The following KITLG variants were observed in gnomAD, a reference collection of about 807,000 sequenced individuals.
KITLG encodes c-Kit ligand.
Under a neutral mutation model 34.1 loss-of-function variants are expected in KITLG, and 13 were observed. That is an observed-to-expected ratio of 0.38 (90% CI 0.25 to 0.61). The LOEUF is 0.61. Ranked by LOEUF, KITLG falls within the 20% of genes least tolerant of loss-of-function variation. The pLI is 0.60. For synonymous variants in KITLG, 110 were observed against 104.0 expected (o/e 1.06, Z -0.35); for missense variants, 292 against 318.9 (o/e 0.92, Z 0.64).
At chr12:88,506,521 T>A in intron 7 of KITLG, 143 bp from the exon 8 acceptor site, 1 of 682,992 alleles carries the variant, frequency 1.5e-6, no homozygotes, top group Non-Finnish European at 2.6e-6. Flanking sequence ...AATATCTTTG[T>A]AATAAAAAAT....
chr12:88,516,954 G>A (rs1450017992), intron 4 of KITLG, among the ~76,000 whole-genome samples: 3 of 151,674 alleles, frequency 2.0e-5, no homozygotes, highest in South Asian at 2.1e-4. Flanking sequence ...GATAATGTAA[G>A]TTGGTACATT....
intron 3 of KITLG, 41 bp downstream of exon 3, chr12:88,532,400 A>G (rs762175497): frequency 5.0e-6 from 7 of 1,386,960 alleles, no homozygotes; most frequent in South Asian, 1.2e-5. Context: ...CATTTCTTCT[A>G]TGAGCTACTA....
Position 88,567,293 on chromosome 12 carries a change from T to A in KITLG, c.15+12971A>T, listed in dbSNP as rs528842792. Reference sequence around the variant, plus strand: ...AAATTAATCACTGTGGTATCCACAATCAAAGATTCAATCAAGAAACTTCCA... The same window carrying A: ...AAATTAATCACTGTGGTATCCACAAACAAAGATTCAATCAAGAAACTTCCA... On this transcript the variant is annotated intron_variant, in intron 1 of 9. Transcript: ENST00000644744. Among the ~76,000 whole-genome samples the A allele has an allele frequency of 6.6e-5, 10 of 152,324 alleles. No individual in the cohort carries two copies. In the East Asian group the frequency reaches 1.9e-3, roughly 29 times the overall value.
chr12:88,518,699 T>C lies in KITLG; in HGVS notation c.361A>G (p.Lys121Glu). The part of the protein sequence containing the change: ...LVECVKENSS[K>E]DLKKSFKSPE... ...AATCCCAATGAACACAAAGTTACCT[T>C]AGATGAGTTTTCTTTCACGCACTCC... Residue 121 changes from lysine to glutamate, a missense_variant and splice_region_variant, in exon 4 of 10, where the codon AAG becomes GAG. Physicochemically the swap from Lys to Glu is moderately conservative, Grantham distance 56. Around this residue, in one of 2 missense-constraint regions of KITLG, gnomAD observed 152 missense variants for 207.9 expected, o/e 0.73. Transcript: ENST00000644744. The C allele has an allele frequency of 6.2e-7, 1 of 1,611,496 alleles. No homozygotes were observed. Among genetic ancestry groups the C allele is most frequent in the Non-Finnish European group, 8.5e-7 (1 of 1,177,782 alleles).
intron 4 of KITLG, 105 bp from the exon 5 acceptor site, chr12:88,516,595 T>C (rs751858608): frequency 2.0e-5 from 14 of 709,196 alleles, no homozygotes; most frequent in African/African-American, 1.3e-4. Context: ...GTATTTAGAC[T>C]CTTACAACTA....
At position 88,496,561 on chromosome 12, in the gene KITLG, CAACCAT is replaced by C. The variant is rs1868648090; in HGVS notation, c.*652_*657del. The C allele has an allele frequency of 6.6e-6, 1 of 152,252 alleles. No homozygotes were observed. Among genetic ancestry groups the C allele is most frequent in the Non-Finnish European group, 1.5e-5 (1 of 68,040 alleles). The allele number at this position is 152,252 out of a possible 1,614,324, so 9.4% of individuals were successfully genotyped here. ...GCTCCCTTGCATAAATGGAACCAGG[CAACCAT>C]TTGCATTTGTATAGTGGGATATGGG... On this transcript the variant is annotated 3_prime_UTR_variant, in exon 10 of 10. Transcript: ENST00000644744.
At chr12:88,543,504 T>A (rs908390804) in intron 2 of KITLG, among the ~76,000 whole-genome samples, 2 of 152,152 alleles carry the variant, frequency 1.3e-5, no homozygotes, top group Admixed American at 6.5e-5. Flanking sequence ...CTTTATCCAG[T>A]CTTCTATTAT....
At chr12:88,575,416 C>A (rs1160317553) in intron 1 of KITLG, among the ~76,000 whole-genome samples, 1 of 152,084 alleles carries the variant, frequency 6.6e-6, no homozygotes, top group African/African-American at 2.4e-5. Context: ...GAAAATCACT[C>A]CCCCACCTCT....
At chr12:88,568,767 C>T (rs1181286805) in intron 1 of KITLG, among the ~76,000 whole-genome samples, 1 of 151,144 alleles carries the variant, frequency 6.6e-6, no homozygotes, top group Admixed American at 6.6e-5. Flanking sequence ...GATTGTGAAT[C>T]GTGATTACAA....
chr12:88,530,714 A>T, intron 3 of KITLG, among the ~76,000 whole-genome samples: 1 of 152,220 alleles, frequency 6.6e-6, no homozygotes, highest in Non-Finnish European at 1.5e-5. Flanking sequence ...ACTCAATAGG[A>T]TAGACATTGA....
At chr12:88,516,135 A>C (rs1227271644) in intron 5 of KITLG, among the ~76,000 whole-genome samples, 199 bp downstream of exon 5, 1 of 151,880 alleles carries the variant, frequency 6.6e-6, no homozygotes, top group African/African-American at 2.4e-5. Flanking sequence ...CACTAATTTG[A>C]AACTGATGAA....
intron 2 of KITLG, among the ~76,000 whole-genome samples, chr12:88,538,834 G>T (rs1255121727): frequency 6.6e-6 from 1 of 152,148 alleles, no homozygotes; most frequent in East Asian, 1.9e-4. Context: ...GGTTTGGAGT[G>T]CAAGGATGTC....
intron 3 of KITLG, among the ~76,000 whole-genome samples, chr12:88,528,420 G>A (rs756423320): frequency 1.3e-5 from 2 of 152,078 alleles, no homozygotes; most frequent in Non-Finnish European, 2.9e-5. Context: ...ATCTTTGGGA[G>A]TCATTATTTA....
chr12:88,560,765 C>T (rs969883058), intron 1 of KITLG, among the ~76,000 whole-genome samples: 3 of 151,744 alleles, frequency 2.0e-5, no homozygotes, highest in Non-Finnish European at 4.4e-5. Flanking sequence ...GTCAGGAGTT[C>T]GAGACCAGCC....
intron 7 of KITLG, among the ~76,000 whole-genome samples, chr12:88,506,809 A>G (rs186649061): frequency 3.3e-5 from 5 of 152,330 alleles, no homozygotes; most frequent in Admixed American, 3.3e-4. Flanking sequence ...AGTTCAGGCT[A>G]TTAACACCAG....
intron 1 of KITLG, among the ~76,000 whole-genome samples, chr12:88,579,458 T>C (rs1056192791): frequency 2.0e-5 from 3 of 151,920 alleles, no homozygotes; most frequent in Non-Finnish European, 4.4e-5. Context: ...GGTATTTTCT[T>C]CAAGGGAAAA....
At chr12:88,507,468 CT>C (rs1165088828) in intron 6 of KITLG, among the ~76,000 whole-genome samples, 5 of 152,168 alleles carry the variant, frequency 3.3e-5, no homozygotes, top group Non-Finnish European at 5.9e-5. Flanking sequence ...TCTCCCATGC[CT>C]TTATCTTCTA....
At chr12:88,501,253 G>C (rs1279303785) in intron 9 of KITLG, among the ~76,000 whole-genome samples, 1 of 152,004 alleles carries the variant, frequency 6.6e-6, no homozygotes, top group Non-Finnish European at 1.5e-5. Flanking sequence ...TCCAATATTT[G>C]TCTTGATTTA....
At position 88,580,428 on chromosome 12, in the gene KITLG, T is replaced by C. The variant is rs1480481677; in HGVS notation, c.-150A>G. The C allele has an allele frequency of 2.2e-6, 2 of 916,970 alleles. No homozygotes were observed. The allele number at this position is 916,970 out of a possible 1,614,324, so 56.8% of individuals were successfully genotyped here. On this transcript the variant is annotated 5_prime_UTR_variant, in exon 1 of 10. Transcript: ENST00000644744. ...GCAGCGCCCTCTCCACTGTCCCTGC[T>C]TCCCGCAGCGCTTCTAGTCTCGGCG...
Sources: gnomAD v4.1 joint callset for allele counts (sites outside exome capture counted in the v4.1 genomes callset) on GRCh38, gnomAD v4.1.1 for gene constraint, gnomAD v4.1.1 regional missense constraint, MANE v1.5 for transcripts, NCBI Gene and HGNC (gene_info 2026-07-23, HGNC 2026-07-21) for gene names.